Variants in SMAD3 observed in about 807,000 individuals in gnomAD.
The protein encoded by SMAD3 is MAD homolog 3.
A neutral mutation model predicts 51.8 loss-of-function variants in SMAD3; 12 were observed. That is an observed-to-expected ratio of 0.23 (90% confidence interval 0.15 to 0.38). The LOEUF (loss-of-function observed/expected upper bound fraction) is 0.38. Among genes scored for constraint, SMAD3 ranks in the 10% least tolerant of loss-of-function variants. The pLI, the probability that SMAD3 is intolerant of heterozygous loss-of-function variation, is 1.00. For missense variants in SMAD3, 294 were observed against 565.6 expected (o/e 0.52, Z 4.87); for synonymous variants, 238 against 227.7 (o/e 1.05, Z -0.41).
At chr15:67,082,213 A>C (rs1407295474) in intron 1 of SMAD3, among the ~76,000 whole-genome samples, 2 of 151,998 alleles carry the variant, frequency 1.3e-5, no homozygotes, top group Non-Finnish European at 2.9e-5. Context: ...AAGAGGTGTT[A>C]AATTGAGGCC....
At chr15:67,110,811 C>T (rs1960996741) in intron 1 of SMAD3, among the ~76,000 whole-genome samples, 2 of 152,170 alleles carry the variant, frequency 1.3e-5, no homozygotes, top group African/African-American at 4.8e-5. Flanking sequence ...ATCGTAGATA[C>T]ACAGAAAAAC....
chr15:67,192,254 T>C lies in SMAD3; in HGVS notation c.*1718T>C. ...CTGCAGGGTCCTGTGCCTCTGAAGT[T>C]CTAGCCATGAGGTTTCCAGGTAGGA... On this transcript the variant is annotated 3_prime_UTR_variant, in exon 9 of 9. Transcript: ENST00000327367. The C allele has an allele frequency of 4.3e-6, 1 of 233,088 alleles. No individual in the cohort carries two copies. Among genetic ancestry groups the C allele is most frequent in the Non-Finnish European group, 8.5e-6 (1 of 117,598 alleles). 14.4% of individuals were successfully genotyped at this position (233,088 alleles called of 1,614,324 possible).
intron 1 of SMAD3, among the ~76,000 whole-genome samples, chr15:67,116,575 AT>A (rs1226628224): frequency 1.3e-5 from 2 of 152,174 alleles, no homozygotes; most frequent in Non-Finnish European, 2.9e-5. Flanking sequence ...AGCTGTGATT[AT>A]TATGGGTATC....
chr15:67,066,977 A>G (rs1406249828), intron 1 of SMAD3, among the ~76,000 whole-genome samples: 1 of 152,080 alleles, frequency 6.6e-6, no homozygotes, highest in East Asian at 1.9e-4. Context: ...CCGCCCCCTG[A>G]GCATGCACGC....
At chr15:67,165,549 G>A (rs2034721772) in intron 3 of SMAD3, among the ~76,000 whole-genome samples, 165 bp downstream of exon 3, 1 of 152,222 alleles carries the variant, frequency 6.6e-6, no homozygotes. Flanking sequence ...CATCCCTGTT[G>A]GGAGAGGACC....
chr15:67,190,208 A>G lies in SMAD3; in HGVS notation c.1155-205A>G, dbSNP rs572177496. ...AAAGTCGACTTCCTTCCCCCTCAAG[A>G]GAACTTAATTTACTCAAAGTCCTCC... On this transcript the variant is annotated intron_variant, in intron 8 of 8. Coordinates refer to ENST00000327367, the MANE Select transcript of SMAD3 (RefSeq NM_005902.4). Among the ~76,000 whole-genome samples the G allele has an allele frequency of 9.7e-4, 148 of 152,208 alleles. 1 individual carries two copies. The highest frequency in any genetic ancestry group is 3.3e-3 in the Admixed American group (51 of 15,296).
intron 1 of SMAD3, among the ~76,000 whole-genome samples, chr15:67,126,870 T>A (rs1170459126): frequency 6.6e-6 from 1 of 152,164 alleles, no homozygotes; most frequent in South Asian, 2.1e-4. Context: ...TGGGGGGCAG[T>A]GTGTCTCCCT....
chr15:67,134,325 T>G (rs1961600086), intron 1 of SMAD3, among the ~76,000 whole-genome samples: 1 of 152,182 alleles, frequency 6.6e-6, no homozygotes, highest in South Asian at 2.1e-4. Context: ...GGAGCTCTTC[T>G]GCGATTCCCT....
intron 1 of SMAD3, among the ~76,000 whole-genome samples, chr15:67,084,405 T>C (rs752086287): frequency 6.6e-6 from 1 of 152,126 alleles, no homozygotes; most frequent in Non-Finnish European, 1.5e-5. Context: ...ATGATAGCCC[T>C]CTGAACTCTC....
chr15:67,113,823 A>C (rs917485497), intron 1 of SMAD3, among the ~76,000 whole-genome samples: 3 of 152,248 alleles, frequency 2.0e-5, no homozygotes, highest in Admixed American at 6.5e-5. Context: ...TTAGACGAAT[A>C]GCTCTTTGAG....
chr15:67,164,316 GAAAAAAAAAAAA>G (rs59880604), intron 1 of SMAD3, among the ~76,000 whole-genome samples: 43 of 83,644 alleles, frequency 5.1e-4, no homozygotes, highest in East Asian at 3.4e-3. Flanking sequence ...CTCCGTCTCA[GAAAAAAAAAAAA>G]AAAAAAAAAA....
In SMAD3 at chr15:67,085,899, CAT is replaced by C. The variant is rs1440855769; in HGVS notation, c.206+19541_206+19542del. Among the ~76,000 whole-genome samples the C allele has an allele frequency of 9.7e-3, 315 of 32,496 alleles. 1 individual carries two copies. Among genetic ancestry groups the C allele is most frequent in the African/African-American group, 0.026 (292 of 11,108 alleles). 21.3% of individuals were successfully genotyped at this position (32,496 alleles called of 152,430 possible). A position where few individuals can be genotyped will look rare whatever the true frequency, so the allele number is the denominator to read the frequency against. ...ACACACACACACACACACACACACA[CAT>C]ACACAGAGAACAGCTCTAGGTTCTG... On this transcript the variant is annotated intron_variant, in intron 1 of 8. Transcript: ENST00000327367.
intron 1 of SMAD3, among the ~76,000 whole-genome samples, chr15:67,095,446 A>T (rs867022511): frequency 3.9e-5 from 6 of 152,204 alleles, no homozygotes; most frequent in Non-Finnish European, 8.8e-5. Context: ...TGTGGCTGTC[A>T]TCAAGGCCAT....
intron 1 of SMAD3, among the ~76,000 whole-genome samples, chr15:67,107,297 A>T (rs1595902943): frequency 6.6e-6 from 1 of 152,202 alleles, no homozygotes; most frequent in Admixed American, 6.5e-5. Flanking sequence ...AAACCAAGAG[A>T]GAAGTAGCTT....
At chr15:67,084,180 A>G (rs575182947) in intron 1 of SMAD3, among the ~76,000 whole-genome samples, 56 of 132,896 alleles carry the variant, frequency 4.2e-4, no homozygotes, top group African/African-American at 1.1e-3. Flanking sequence ...GGTTCATGCT[A>G]TTCTCCTGCC....
Position 67,163,944 on chromosome 15 carries a change from T to TAAA in SMAD3, c.207-928_207-926dup, listed in dbSNP as rs57803788. On this transcript the variant is annotated intron_variant, in intron 1 of 8. Transcript: ENST00000327367. ...ACAGAGCAACACCCTGTATCAAAAGTAAAAAAAAAAAAAAAAAAAAAAAAA... is the reference window on the plus strand; with the variant it reads ...ACAGAGCAACACCCTGTATCAAAAGTAAAAAAAAAAAAAAAAAAAAAAAAAAAA... Among the ~76,000 whole-genome samples the TAAA allele has an allele frequency of 1.9e-3, 166 of 87,886 alleles. 2 individuals carry two copies. The highest frequency in any genetic ancestry group is 0.011 in the East Asian group (28 of 2,566). The allele number at this position is 87,886 out of a possible 152,430, so 57.7% of individuals were successfully genotyped here.
intron 5 of SMAD3, among the ~76,000 whole-genome samples, chr15:67,173,761 TAGAC>T (rs1369510433): frequency 3.3e-5 from 5 of 152,206 alleles, no homozygotes; most frequent in South Asian, 2.1e-4. Context: ...AAAACCCACT[TAGAC>T]AGCTCTTCCT....
At chr15:67,189,368 A>G (rs1298699109) in intron 8 of SMAD3, among the ~76,000 whole-genome samples, 1 of 152,190 alleles carries the variant, frequency 6.6e-6, no homozygotes, top group African/African-American at 2.4e-5. Flanking sequence ...CAAGACAGCA[A>G]CACTGTTCCT....
rs1837784529 is a variant in SMAD3 at position 67,179,954 on chromosome 15, G to C, written c.659-1287G>C. ...GTTGGACAGTCAGGATGCTCACAGA[G>C]AGGCACACCCTTAGTAACTGCGTCG... On this transcript the variant is annotated intron_variant, in intron 5 of 8. Coordinates refer to ENST00000327367, the MANE Select transcript of SMAD3 (RefSeq NM_005902.4). 2.0e-5 allele frequency among the ~76,000 whole-genome samples: 3 copies of C among 152,322 alleles called. No homozygotes were observed. In the South Asian group the frequency reaches 6.2e-4, roughly 32 times the overall value.
Sources: gnomAD v4.1 joint callset for allele counts (sites outside exome capture counted in the v4.1 genomes callset) on GRCh38, gnomAD v4.1.1 for gene constraint, MANE v1.5 for transcripts, NCBI Gene and HGNC (gene_info 2026-07-23, HGNC 2026-07-21) for gene names.